The following SPON2 variants were observed in gnomAD, a reference collection of about 807,000 sequenced individuals.
The protein encoded by SPON2 is spondin-2.
In SPON2, 32 loss-of-function variants were observed where a neutral mutation model predicts 29.9. That is an observed-to-expected ratio of 1.07 (90% CI 0.81 to 1.44). SPON2 has a LOEUF of 1.44. Among genes scored for constraint, SPON2 ranks in the 40% most tolerant of loss-of-function variants. The pLI, the probability that SPON2 is intolerant of heterozygous loss-of-function variation, is 0.00. For missense variants in SPON2, 541 were observed against 455.5 expected (o/e 1.19, Z -1.71); for synonymous variants, 248 against 209.1 (o/e 1.19, Z -1.61).
At chr4:1,174,351 G>T (rs755489810), upstream of SPON2, among the ~76,000 whole-genome samples, 24 of 151,988 alleles carry the variant, frequency 1.6e-4, no homozygotes, top group Non-Finnish European at 3.1e-4. Flanking sequence ...GCTGGATGTG[G>T]TGGTGCACGC....
intron 1 of SPON2, 118 bp from the exon 2 acceptor site, chr4:1,172,192 C>T: frequency 1.2e-6 from 1 of 808,552 alleles, no homozygotes; most frequent in Non-Finnish European, 1.9e-6. Context: ...CCCGCGACCC[C>T]CTCCCTGCTC....
At chr4:1,189,318 A>T (rs531006646) in intron 1 of SPON2, among the ~76,000 whole-genome samples, 41 of 152,186 alleles carry the variant, frequency 2.7e-4, no homozygotes, top group African/African-American at 9.9e-4. Flanking sequence ...GAAATAATAA[A>T]TAGTAGAGCA....
At chr4:1,186,018 G>A (rs1056819608) in intron 1 of SPON2, among the ~76,000 whole-genome samples, 8 of 151,310 alleles carry the variant, frequency 5.3e-5, no homozygotes, top group African/African-American at 4.8e-5. Flanking sequence ...GCCGAGGCGG[G>A]CGGATCACGA....
At chr4:1,196,444 T>G (rs1205783282), upstream of SPON2, among the ~76,000 whole-genome samples, 1 of 152,206 alleles carries the variant, frequency 6.6e-6, no homozygotes, top group East Asian at 1.9e-4. Flanking sequence ...TGTGGCCTCA[T>G]GCCGACCAAG....
intron 1 of SPON2, chr4:1,194,947 A>ACCTCGCAGCCGGCGACTCCAACC (rs1728017564): frequency 8.3e-6 from 1 of 120,284 alleles, no homozygotes. Flanking sequence ...GGCGGCTCCA[A>ACCTCGCAGCCGGCGACTCCAACC]CCTCGCAGCC....
At chr4:1,170,096 GACAC>G (rs1334181102) in intron 5 of SPON2, 1 of 320,264 alleles carries the variant, frequency 3.1e-6, no homozygotes, top group African/African-American at 2.2e-5. Flanking sequence ...TGTCAGCTGT[GACAC>G]ACAGGTCACC....
At position 1,171,406 on chromosome 4, in the gene SPON2, C is replaced by G; in HGVS notation, c.301G>C (p.Gly101Arg). The G allele has an allele frequency of 1.9e-6, 3 of 1,612,346 alleles. No individual in the cohort carries two copies. Among genetic ancestry groups the G allele is most frequent in the Non-Finnish European group, 2.5e-6 (3 of 1,179,802 alleles). The stretch of plus-strand genomic sequence containing the variant: ...TCCTTCATCAGCGCCCAGGCCTCGC[C>G]GCGCTCCGCAAAGTCGCGCAGCCCG... ...SNGLRDFAER[G>R]EAWALMKEIE... Residue 101 changes from glycine (G) to arginine (R), a missense_variant, in exon 3 of 6, where the codon GGC becomes CGC. Gly to Arg is a moderately radical substitution (Grantham distance 125). Transcript: ENST00000290902.
Position 1,183,312 on chromosome 4 carries a change from C to T in SPON2, c.-238-3771G>A, listed in dbSNP as rs1277418663. Among the ~76,000 whole-genome samples the T allele has an allele frequency of 2.0e-5, 3 of 151,284 alleles. No homozygotes were observed. The South Asian group carries it at 6.3e-4, about 32-fold the overall frequency. On this transcript the variant is annotated intron_variant, in intron 1 of 3. Transcript: ENST00000502483. ...AAACAATGAAAACAATGAGGGAGTT[C>T]ACTACCTCTAGGCCTGCCCTGCAAG...
At chr4:1,184,060 C>T (rs1727748753) in intron 1 of SPON2, among the ~76,000 whole-genome samples, 1 of 152,156 alleles carries the variant, frequency 6.6e-6, no homozygotes. Context: ...TCAGTGCAGC[C>T]TCAGCCTCTC....
At chr4:1,180,169 G>C (rs1428822512) in intron 1 of SPON2, among the ~76,000 whole-genome samples, 6 of 152,164 alleles carry the variant, frequency 3.9e-5, no homozygotes, top group Non-Finnish European at 7.3e-5. Flanking sequence ...GGCTACTGCA[G>C]AGTTGTTAAC....
At chr4:1,194,990 C>G in exon 1 of SPON2, 1 of 143,400 alleles carries the variant, frequency 7.0e-6, no homozygotes, top group African/African-American at 2.6e-5. Context: ...GCGGCCTCAC[C>G]TCACAGCCGG....
At chr4:1,173,884 C>G (rs760567255), upstream of SPON2, among the ~76,000 whole-genome samples, 1 of 152,220 alleles carries the variant, frequency 6.6e-6, no homozygotes, top group Non-Finnish European at 1.5e-5. Context: ...ATGTTTTTAT[C>G]TGAGGACTCC....
chr4:1,204,387 ACTGT>A (rs1395301876), intron 1 of SPON2, among the ~76,000 whole-genome samples: 1 of 151,022 alleles, frequency 6.6e-6, no homozygotes, highest in East Asian at 1.9e-4. Flanking sequence ...ACGGGCACTG[ACTGT>A]CTGCAGGATA....
chr4:1,171,276 C>T lies in SPON2; in HGVS notation c.431G>A (p.Arg144His), dbSNP rs1375851962. The change falls in exon 3 of 6, where the codon CGC (arginine) becomes CAC (histidine). Residue 144 changes from arginine to histidine, a missense_variant. Physicochemically the swap from Arg to His is conservative, Grantham distance 29. Coordinates refer to ENST00000290902, the MANE Select transcript of SPON2 (RefSeq NM_012445.4). ...CCCCGCGCTCACCAGCGAGTGCCTG[C>T]GCTGCACCTCCAGCTCCGCCGACGT... is the stretch of plus-strand genomic sequence containing the variant. ...GQTSAELEVQ[R>H]RHSLVSFVVR... The T allele has an allele frequency of 5.2e-6, 8 of 1,542,680 alleles. No individual in the cohort carries two copies. Among genetic ancestry groups the T allele is most frequent in the Non-Finnish European group, 6.9e-6 (8 of 1,151,644 alleles).
intron 1 of SPON2, among the ~76,000 whole-genome samples, chr4:1,193,683 GTA>G (rs1491475230): frequency 3.3e-5 from 1 of 30,012 alleles, no homozygotes; most frequent in East Asian, 7.6e-4. Context: ...TGGGAAGGAT[GTA>G]GGGGGCGTGG....
At chr4:1,187,732 C>T (rs1577905949) in intron 1 of SPON2, among the ~76,000 whole-genome samples, 1 of 152,120 alleles carries the variant, frequency 6.6e-6, no homozygotes, top group East Asian at 1.9e-4. Context: ...TCTGTGCTAT[C>T]ACTGTCATAT....
chr4:1,192,140 G>A (rs1474287741), intron 1 of SPON2, among the ~76,000 whole-genome samples: 5 of 152,252 alleles, frequency 3.3e-5, no homozygotes, highest in Non-Finnish European at 7.3e-5. Context: ...CATGGGTTAA[G>A]CTCTCTCAAG....
At chr4:1,181,844 GC>G (rs1489478911) in intron 1 of SPON2, among the ~76,000 whole-genome samples, 4 of 152,194 alleles carry the variant, frequency 2.6e-5, no homozygotes, top group African/African-American at 4.8e-5. Flanking sequence ...AGAAGCAGGT[GC>G]CTATTGTTTC....
chr4:1,195,927 C>T (rs1728059329), upstream of SPON2, among the ~76,000 whole-genome samples: 1 of 152,236 alleles, frequency 6.6e-6, no homozygotes. Context: ...AGCCCCACGC[C>T]TGGCCACGCG....
Sources: allele counts gnomAD v4.1 joint callset (sites outside exome capture counted in the v4.1 genomes callset), GRCh38; gene constraint gnomAD v4.1.1; transcripts MANE v1.5; gene names NCBI Gene and HGNC (gene_info 2026-07-23, HGNC 2026-07-21).